Variants in RAD51B observed in about 807,000 individuals in gnomAD.
RAD51B encodes the protein DNA repair protein RAD51 homolog 2.
In RAD51B, 38 loss-of-function variants were observed where a neutral mutation model predicts 42.2. The ratio of observed to expected loss-of-function variants is 0.90; its 90% CI spans 0.70 to 1.18. The LOEUF (loss-of-function observed/expected upper bound fraction) is 1.18. RAD51B is among the 50% of genes most tolerant of loss of function. RAD51B has a pLI of 0.00. For synonymous variants in RAD51B, 154 were observed against 145.2 expected (o/e 1.06, Z -0.43); for missense variants, 373 against 400.7 (o/e 0.93, Z 0.59).
chr14:67,847,326 CTTTTTTTT>C lies in RAD51B; in HGVS notation c.315+12145_315+12152del, dbSNP rs60032578. ...CTGCTAGTTTTGGGGTTGGTTTGTTCTTTTTTTTTTTTTTTTTTTTTTCTAATTCCATT... is the reference window on the plus strand; with the variant it reads ...CTGCTAGTTTTGGGGTTGGTTTGTTCTTTTTTTTTTTTTTCTAATTCCATT... On this transcript the variant is annotated intron_variant, in intron 4 of 10. Coordinates refer to ENST00000471583, the MANE Select transcript of RAD51B (RefSeq NM_133510.4). 2.1e-3 allele frequency among the ~76,000 whole-genome samples: 221 copies of C among 105,638 alleles called. 2 individuals are homozygous for C. The highest frequency in any genetic ancestry group is 0.013 in the East Asian group (40 of 3,034). The allele number at this position is 105,638 out of a possible 152,430, so 69.3% of individuals were successfully genotyped here.
intron 7 of RAD51B, among the ~76,000 whole-genome samples, chr14:67,914,708 G>C (rs2140121536): frequency 6.6e-6 from 1 of 152,182 alleles, no homozygotes; most frequent in East Asian, 1.9e-4. Flanking sequence ...TTGTAGACTT[G>C]GTGTTTGTAT....
At chr14:68,310,610 C>G (rs1030878006) in intron 8 of RAD51B, among the ~76,000 whole-genome samples, 4 of 152,146 alleles carry the variant, frequency 2.6e-5, no homozygotes, top group Non-Finnish European at 5.9e-5. Context: ...CTTTGGGAGG[C>G]CGAGGTGGGC....
At chr14:67,828,723 A>G (rs1594963523) in intron 3 of RAD51B, among the ~76,000 whole-genome samples, 1 of 152,244 alleles carries the variant, frequency 6.6e-6, no homozygotes, top group South Asian at 2.1e-4. Context: ...CAGTTCTCCC[A>G]GCATCATTTG....
chr14:68,439,946 G>C (rs1413724935), intron 9 of RAD51B, among the ~76,000 whole-genome samples: 1 of 152,162 alleles, frequency 6.6e-6, no homozygotes, highest in Non-Finnish European at 1.5e-5. Flanking sequence ...TGTCGTAGAA[G>C]AGTTGGCATT....
intron 7 of RAD51B, among the ~76,000 whole-genome samples, chr14:68,085,497 G>A (rs73286209): frequency 0.024 from 3,712 of 152,162 alleles, 152 homozygotes; most frequent in African/African-American, 0.084. Flanking sequence ...GGAAGAGAGA[G>A]TTTGAAAAAG....
intron 7 of RAD51B, among the ~76,000 whole-genome samples, chr14:67,933,373 A>G (rs1318913156): frequency 6.6e-6 from 1 of 152,128 alleles, no homozygotes; most frequent in Non-Finnish European, 1.5e-5. Flanking sequence ...CCAGGTCAGG[A>G]TGCAGTCCTA....
At chr14:68,646,317 G>T (rs1374389118) in intron 10 of RAD51B, among the ~76,000 whole-genome samples, 1 of 152,148 alleles carries the variant, frequency 6.6e-6, no homozygotes, top group African/African-American at 2.4e-5. Flanking sequence ...GGTGGGAAAT[G>T]ATCATTTACA....
intron 7 of RAD51B, among the ~76,000 whole-genome samples, chr14:68,008,203 A>G (rs1242049551): frequency 6.6e-6 from 1 of 151,990 alleles, no homozygotes; most frequent in African/African-American, 2.4e-5. Flanking sequence ...TGCCAGTATC[A>G]TCTTTAATGG....
intron 8 of RAD51B, among the ~76,000 whole-genome samples, chr14:68,298,193 AGG>A (rs1175898379): frequency 2.6e-5 from 4 of 150,962 alleles, no homozygotes; most frequent in Non-Finnish European, 5.9e-5. Context: ...TTATGTGAGT[AGG>A]GGAGGCTAGA....
intron 8 of RAD51B, among the ~76,000 whole-genome samples, chr14:68,301,370 A>G (rs911606413): frequency 5.9e-5 from 9 of 152,158 alleles, no homozygotes; most frequent in East Asian, 1.9e-4. Context: ...AAATCTTTCA[A>G]TGTAGACCCC....
At chr14:68,643,762 G>A (rs1892511314) in intron 10 of RAD51B, among the ~76,000 whole-genome samples, 1 of 152,158 alleles carries the variant, frequency 6.6e-6, no homozygotes, top group Admixed American at 6.5e-5. Context: ...TAGGAGGTCT[G>A]GGAGGACCAT....
intron 10 of RAD51B, among the ~76,000 whole-genome samples, chr14:68,607,429 C>T (rs1024375790): frequency 2.0e-5 from 3 of 152,198 alleles, no homozygotes; most frequent in Non-Finnish European, 1.5e-5. Flanking sequence ...GCCACAGAGA[C>T]CCTCCCCCAC....
intron 4 of RAD51B, among the ~76,000 whole-genome samples, chr14:67,840,110 T>A (rs2041374140): frequency 6.6e-6 from 1 of 152,180 alleles, no homozygotes; most frequent in Non-Finnish European, 1.5e-5. Flanking sequence ...AAAAGAATGA[T>A]TATTCTCTAA....
At chr14:68,242,576 G>T (rs1044762496) in intron 7 of RAD51B, among the ~76,000 whole-genome samples, 4 of 152,096 alleles carry the variant, frequency 2.6e-5, no homozygotes, top group Admixed American at 6.5e-5. Context: ...TAGCAATCAG[G>T]ACTTTGCCTT....
At chr14:68,059,008 AC>A (rs745482321) in intron 7 of RAD51B, among the ~76,000 whole-genome samples, 1 of 152,014 alleles carries the variant, frequency 6.6e-6, no homozygotes, top group Non-Finnish European at 1.5e-5. Context: ...ACTATTGATA[AC>A]CCCTCTAAGC....
chr14:68,183,472 G>A (rs1252765257), intron 7 of RAD51B, among the ~76,000 whole-genome samples: 1 of 152,136 alleles, frequency 6.6e-6, no homozygotes, highest in East Asian at 1.9e-4. Flanking sequence ...GCTTCTCCAA[G>A]TCCACTGACT....
At chr14:67,948,242 G>T (rs1253940172) in intron 7 of RAD51B, among the ~76,000 whole-genome samples, 1 of 152,170 alleles carries the variant, frequency 6.6e-6, no homozygotes, top group Admixed American at 6.5e-5. Flanking sequence ...ACAGCCAGTG[G>T]CTTGCTTGGT....
chr14:68,585,232 G>A lies in RAD51B; in HGVS notation c.1037-9253G>A, dbSNP rs1280600292. ...GGCAGTGGTCACCTAGATTTTCTCA[G>A]ACCAGCCTTGATTCCCTGCTGTCTC... On this transcript the variant is annotated intron_variant, in intron 10 of 10. Coordinates refer to the RAD51B transcript ENST00000487270. Among the ~76,000 whole-genome samples, 3 of 152,324 alleles carry A rather than the reference G, an allele frequency of 2.0e-5. No homozygotes were observed. The East Asian group carries it at 5.8e-4, about 29-fold the overall frequency.
intron 5 of RAD51B, among the ~76,000 whole-genome samples, chr14:67,878,447 G>A (rs2042798636): frequency 6.6e-6 from 1 of 151,232 alleles, no homozygotes; most frequent in South Asian, 2.1e-4. Context: ...TTTTTTCCTG[G>A]GCTATAATTC....
Sources: allele counts gnomAD v4.1 joint callset (sites outside exome capture counted in the v4.1 genomes callset), GRCh38; gene constraint gnomAD v4.1.1; transcripts MANE v1.5; gene names NCBI Gene and HGNC (gene_info 2026-07-23, HGNC 2026-07-21).